DGKB: variants seen among roughly 807,000 people sequenced by gnomAD.
DGKB encodes the protein diacylglycerol kinase beta.
Under a neutral mutation model 114.3 loss-of-function variants are expected in DGKB, and 67 were observed. The ratio of observed to expected loss-of-function variants is 0.59; its 90% confidence interval spans 0.48 to 0.72. The LOEUF (loss-of-function observed/expected upper bound fraction) is 0.72, where lower values mean the gene tolerates loss of function less well. DGKB is among the 30% of genes least tolerant of loss of function. DGKB has a pLI of 0.00. For missense variants in DGKB, 907 were observed against 975.2 expected (o/e 0.93, Z 0.93); for synonymous variants, 398 against 323.1 (o/e 1.23, Z -2.49).
At chr7:14,931,135 G>A (rs1390027419) in intron 1 of DGKB, among the ~76,000 whole-genome samples, 2 of 139,114 alleles carry the variant, frequency 1.4e-5, no homozygotes, top group Non-Finnish European at 3.1e-5. Context: ...TTTTTGAGAT[G>A]GAGTCTCATC....
At chr7:14,877,211 T>C (rs1374670136) in intron 1 of DGKB, among the ~76,000 whole-genome samples, 1 of 152,192 alleles carries the variant, frequency 6.6e-6, no homozygotes, top group Non-Finnish European at 1.5e-5. Flanking sequence ...ATTATACGAT[T>C]GCTGAGAGCT....
chr7:14,602,609 A>G (rs1426882030), intron 17 of DGKB, among the ~76,000 whole-genome samples: 1 of 152,184 alleles, frequency 6.6e-6, no homozygotes, highest in Non-Finnish European at 1.5e-5. Context: ...CTCAGCATTC[A>G]TTCTCTCCAG....
At chr7:14,601,024 G>A (rs2128764184) in intron 17 of DGKB, among the ~76,000 whole-genome samples, 1 of 152,304 alleles carries the variant, frequency 6.6e-6, no homozygotes. Flanking sequence ...CTCTGTCTGG[G>A]GTCTGGGGAT....
intron 15 of DGKB, 66 bp from the exon 16 acceptor site, chr7:14,613,479 T>C: frequency 1.2e-6 from 1 of 803,142 alleles, no homozygotes; most frequent in Non-Finnish European, 2.0e-6. Context: ...GACTCCTTGT[T>C]ATTTCTAAAT....
At position 14,234,339 on chromosome 7, in the gene DGKB, AT is replaced by A. The variant is rs370571342; in HGVS notation, c.2123-56189del. Among the ~76,000 whole-genome samples, 112 of 152,234 alleles carry A rather than the reference AT, an allele frequency of 7.4e-4. 1 individual carries two copies. In the South Asian group the frequency reaches 0.023, roughly 31 times the overall value. On this transcript the variant is annotated intron_variant, in intron 23 of 25. Coordinates refer to ENST00000402815, the MANE Select transcript of DGKB (RefSeq NM_001350709.2). ...ACTCTTCTCCAAAAGTAAGTGTAAG[AT>A]TTCTGAAAATTACAAACACATATAC...
intron 20 of DGKB, among the ~76,000 whole-genome samples, chr7:14,496,282 T>C (rs1041475641): frequency 4.0e-5 from 6 of 151,814 alleles, no homozygotes; most frequent in African/African-American, 1.4e-4. Context: ...CTGAAGCAAT[T>C]TGTTCTTGGG....
At chr7:14,752,292 G>A (rs1322833999) in intron 4 of DGKB, among the ~76,000 whole-genome samples, 1 of 151,624 alleles carries the variant, frequency 6.6e-6, no homozygotes, top group East Asian at 1.9e-4. Flanking sequence ...ACTTTAGGCA[G>A]CAGCACTACA....
intron 23 of DGKB, among the ~76,000 whole-genome samples, chr7:14,264,224 A>G (rs894621376): frequency 1.3e-5 from 2 of 152,218 alleles, no homozygotes. Flanking sequence ...TGACATATCC[A>G]GGTGAAGCAG....
At chr7:14,771,086 A>C (rs1837336951) in intron 2 of DGKB, among the ~76,000 whole-genome samples, 1 of 152,138 alleles carries the variant, frequency 6.6e-6, no homozygotes, top group Non-Finnish European at 1.5e-5. Flanking sequence ...TTGATTTAGC[A>C]TGAGCAAAAT....
chr7:14,651,554 CA>C (rs1202601558), intron 13 of DGKB, among the ~76,000 whole-genome samples: 32 of 145,852 alleles, frequency 2.2e-4, no homozygotes, highest in African/African-American at 7.0e-4. Context: ...ACTGAATGGG[CA>C]AAAACTGGAA....
chr7:14,783,784 C>T (rs1306281565), intron 2 of DGKB, among the ~76,000 whole-genome samples: 2 of 152,138 alleles, frequency 1.3e-5, no homozygotes, highest in South Asian at 2.1e-4. Flanking sequence ...GATGAGAGAA[C>T]AGGCCTTGAT....
chr7:14,180,705 C>A (rs1679045357), intron 23 of DGKB, among the ~76,000 whole-genome samples: 1 of 152,194 alleles, frequency 6.6e-6, no homozygotes. Flanking sequence ...AATCTGCAAT[C>A]TGTCTGTATA....
intron 1 of DGKB, among the ~76,000 whole-genome samples, chr7:14,942,624 T>C (rs1473289943): frequency 1.3e-5 from 2 of 151,932 alleles, no homozygotes; most frequent in Non-Finnish European, 2.9e-5. Flanking sequence ...CTTCCTCCAG[T>C]TTAAAGCGCT....
At chr7:14,946,140 C>T (rs1587434319) in intron 1 of DGKB, among the ~76,000 whole-genome samples, 1 of 150,298 alleles carries the variant, frequency 6.7e-6, no homozygotes, top group Non-Finnish European at 1.5e-5. Context: ...ATATATATTG[C>T]TTAGTATTAA....
At position 14,188,532 on chromosome 7, in the gene DGKB, C is replaced by T. The variant is rs1322867172; in HGVS notation, c.2123-10381G>A. On this transcript the variant is annotated intron_variant, in intron 23 of 25. Transcript: ENST00000402815. ...AAAATTAGCCGGGCGTGGTGGCGGG[C>T]GCCTGTAGTCCCAGCTACTTGGGAG... is the stretch of plus-strand genomic sequence containing the variant. 3.5e-5 allele frequency among the ~76,000 whole-genome samples: 5 copies of T among 144,454 alleles called. 1 individual carries two copies. Among genetic ancestry groups the T allele is most frequent in the South Asian group, 2.2e-4 (1 of 4,632 alleles). The allele number at this position is 144,454 out of a possible 152,430, so 94.8% of individuals were successfully genotyped here. A position where few individuals can be genotyped will look rare whatever the true frequency, so the allele number is the denominator to read the frequency against.
chr7:14,679,743 C>T (rs1448966838), intron 12 of DGKB, among the ~76,000 whole-genome samples: 7 of 151,914 alleles, frequency 4.6e-5, no homozygotes, highest in Non-Finnish European at 8.8e-5. Flanking sequence ...TAAAGGCAAG[C>T]AGTAGTAGTA....
rs1190181515 is a variant in DGKB at position 14,707,195 on chromosome 7, G to A, written c.467-5465C>T. Among the ~76,000 whole-genome samples the A allele has an allele frequency of 2.2e-3, 281 of 130,520 alleles. 4 individuals are homozygous for A. The highest frequency in any genetic ancestry group is 0.018 in the Admixed American group (221 of 12,030). 85.6% of individuals were successfully genotyped at this position (130,520 alleles called of 152,430 possible). A position where few individuals can be genotyped will look rare whatever the true frequency, so the allele number is the denominator to read the frequency against. On this transcript the variant is annotated intron_variant, in intron 6 of 25. Transcript: ENST00000402815. ...CAGAGAATACTACAAACACCTCTATGCAAATAAACTAGAAAATCTAGAAGA... is the reference window on the plus strand; with the variant it reads ...CAGAGAATACTACAAACACCTCTATACAAATAAACTAGAAAATCTAGAAGA...
intron 2 of DGKB, among the ~76,000 whole-genome samples, chr7:14,758,183 T>G (rs1835166177): frequency 6.6e-6 from 1 of 152,096 alleles, no homozygotes; most frequent in South Asian, 2.1e-4. Context: ...AGTTTTGTTA[T>G]GTATAAATTA....
intron 23 of DGKB, among the ~76,000 whole-genome samples, chr7:14,284,562 G>A (rs950239765): frequency 5.0e-5 from 7 of 140,056 alleles, no homozygotes; most frequent in South Asian, 2.2e-4. Flanking sequence ...ACATGCACAC[G>A]TATGTTTATT....
Sources: gnomAD v4.1 joint callset for allele counts (sites outside exome capture counted in the v4.1 genomes callset) on GRCh38, gnomAD v4.1.1 for gene constraint, MANE v1.5 for transcripts, NCBI Gene and HGNC (gene_info 2026-07-23, HGNC 2026-07-21) for gene names.